ENTPD1: variants seen among roughly 807,000 people sequenced by gnomAD.
The protein encoded by ENTPD1 is ATP diphosphohydrolase.
In ENTPD1, 33 loss-of-function variants were observed where a neutral mutation model predicts 57.0. The ratio of observed to expected loss-of-function variants is 0.58; its 90% confidence interval spans 0.44 to 0.77. The LOEUF is 0.77. ENTPD1 is among the 30% of genes least tolerant of loss of function. The pLI is 0.00. For synonymous variants in ENTPD1, 202 were observed against 218.8 expected (o/e 0.92, Z 0.68); for missense variants, 501 against 603.4 (o/e 0.83, Z 1.78).
At chr10:95,788,899 G>A (rs2098191691) in intron 1 of ENTPD1, among the ~76,000 whole-genome samples, 1 of 152,294 alleles carries the variant, frequency 6.6e-6, no homozygotes, top group African/African-American at 2.4e-5. Context: ...ATGGATGCAA[G>A]TAATTGAGAA....
At position 95,869,318 on chromosome 10, in the gene ENTPD1, C is replaced by T. The variant is rs372505796; in HGVS notation, c.*2935C>T. On this transcript the variant is annotated 3_prime_UTR_variant, in exon 10 of 10. Transcript: ENST00000371205. ...AGGCTGGAGTGCAGTGGTGCTATCT[C>T]GGCTCACTGCAACCTCCGCCTCCTG... 7 of 897,112 alleles carry T rather than the reference C, an allele frequency of 7.8e-6. No individual in the cohort carries two copies. In the East Asian group the frequency reaches 6.3e-4, roughly 80 times the overall value. The allele number at this position is 897,112 out of a possible 1,614,324, so 55.6% of individuals were successfully genotyped here.
At chr10:95,780,154 C>T (rs927595937) in intron 1 of ENTPD1, among the ~76,000 whole-genome samples, 1 of 152,104 alleles carries the variant, frequency 6.6e-6, no homozygotes, top group Admixed American at 6.6e-5. Flanking sequence ...CAGAACATAC[C>T]AAACATAAAA....
intron 1 of ENTPD1, among the ~76,000 whole-genome samples, chr10:95,810,514 A>G (rs1452274135): frequency 2.0e-5 from 3 of 147,588 alleles, no homozygotes; most frequent in African/African-American, 7.5e-5. Context: ...CTCACATCCC[A>G]GATGGGGTGG....
rs1001326432 is a variant in ENTPD1, at chr10:95,777,703, C to T, written c.16+21448C>T. Among the ~76,000 whole-genome samples, 19 of 152,322 alleles carry T rather than the reference C, an allele frequency of 1.2e-4. 1 individual carries two copies. The highest frequency in any genetic ancestry group is 1.8e-4 in the Non-Finnish European group (12 of 68,026). ...TCTCTTCAGAGCTGTTAGACAGGGA[C>T]GTTTACATCTGCAGAAGTTGTCTGC... On this transcript the variant is annotated intron_variant, in intron 1 of 9. Transcript: ENST00000371205.
intron 1 of ENTPD1, among the ~76,000 whole-genome samples, chr10:95,806,844 A>C (rs6584031): frequency 0.16 from 24,213 of 152,160 alleles, 2,494 homozygotes; most frequent in African/African-American, 0.28. Context: ...AATATTGCAC[A>C]ACAGCAAATA....
At chr10:95,746,558 G>A (rs531271599) in intron 1 of ENTPD1, among the ~76,000 whole-genome samples, 2 of 152,292 alleles carry the variant, frequency 1.3e-5, no homozygotes, top group South Asian at 4.1e-4. Flanking sequence ...ATTGGGCCAA[G>A]TGATTATAGT....
chr10:95,728,756 C>G (rs2097986312), intron 1 of ENTPD1, among the ~76,000 whole-genome samples: 1 of 152,156 alleles, frequency 6.6e-6, no homozygotes, highest in South Asian at 2.1e-4. Flanking sequence ...ACAATGGCAA[C>G]AGAAGGTAGC....
At chr10:95,790,230 G>A (rs930945802) in intron 1 of ENTPD1, among the ~76,000 whole-genome samples, 8 of 151,938 alleles carry the variant, frequency 5.3e-5, no homozygotes, top group African/African-American at 1.5e-4. Context: ...TACAGTACAG[G>A]GTTATAAATG....
chr10:95,839,638 T>TA, intron 2 of ENTPD1, 53 bp from the exon 3 acceptor site: 1 of 1,567,348 alleles, frequency 6.4e-7, no homozygotes, highest in Non-Finnish European at 8.8e-7. Flanking sequence ...GCAAGCCTAA[T>TA]ATGGAGATGA....
In ENTPD1 at chr10:95,744,249, T is replaced by G. The variant is rs1038532848; in HGVS notation, c.37+32256T>G. ...AATTTCTGATTCCAGTATACATGTA[T>G]AGTGGTTTCAGAATTATGAATCTTG... On this transcript the variant is annotated intron_variant, in intron 1 of 9. Transcript: ENST00000453258. Among the ~76,000 whole-genome samples the G allele has an allele frequency of 3.9e-5, 6 of 152,102 alleles. No homozygotes were observed. In the East Asian group the frequency reaches 1.2e-3, roughly 29 times the overall value.
At chr10:95,710,921 C>G (rs1247755823), upstream of ENTPD1, among the ~76,000 whole-genome samples, 1 of 152,152 alleles carries the variant, frequency 6.6e-6, no homozygotes, top group Non-Finnish European at 1.5e-5. Context: ...ATTGCCCAGC[C>G]TCTTTCGCAG....
At chr10:95,821,996 CTTTTT>C (rs71034351) in intron 1 of ENTPD1, among the ~76,000 whole-genome samples, 1 of 92,916 alleles carries the variant, frequency 1.1e-5, no homozygotes, top group African/African-American at 4.3e-5. Context: ...TAGCTTTTGC[CTTTTT>C]TTTTTTTTTT....
intron 1 of ENTPD1, among the ~76,000 whole-genome samples, chr10:95,803,771 C>T (rs187186865): frequency 0.011 from 1,695 of 152,260 alleles, 17 homozygotes; most frequent in Middle Eastern, 0.041. Flanking sequence ...TCATGAAGTC[C>T]TTGCCCATAC....
At chr10:95,839,858 A>G in intron 3 of ENTPD1, 50 bp downstream of exon 3, 1 of 1,576,688 alleles carries the variant, frequency 6.3e-7, no homozygotes, top group South Asian at 1.1e-5. Context: ...GCATGAGAAC[A>G]TGAGAGGTGT....
intron 3 of ENTPD1, among the ~76,000 whole-genome samples, chr10:95,841,941 G>A (rs1414147816): frequency 6.6e-6 from 1 of 152,162 alleles, no homozygotes; most frequent in African/African-American, 2.4e-5. Flanking sequence ...AAGCCAATTT[G>A]TCTGACGCTT....
chr10:95,745,865 T>C (rs1354459417), intron 1 of ENTPD1, among the ~76,000 whole-genome samples: 1 of 152,136 alleles, frequency 6.6e-6, no homozygotes, highest in Non-Finnish European at 1.5e-5. Context: ...TTTGGAAGAG[T>C]TGGCCATTCT....
chr10:95,841,161 C>T (rs188144860), intron 3 of ENTPD1, among the ~76,000 whole-genome samples: 264 of 152,138 alleles, frequency 1.7e-3, no homozygotes, highest in Admixed American at 3.6e-3. Context: ...CTGAGGTGGG[C>T]GGATCACAAG....
rs1026002047 is a variant in ENTPD1 at position 95,843,731 on chromosome 10, A to G, written c.414-745A>G. ...AGAGAAGATGGATTGGAGGGGAGAA[A>G]AGCTGGGGATAAAAGGAAGGCAGTT... On this transcript the variant is annotated intron_variant, in intron 4 of 9. Transcript: ENST00000371205. 1.4e-4 allele frequency among the ~76,000 whole-genome samples: 21 copies of G among 152,130 alleles called. 1 individual carries two copies. Among genetic ancestry groups the G allele is most frequent in the African/African-American group, 5.1e-4 (21 of 41,416 alleles).
At chr10:95,760,847 T>TTTTTTTTTTTTTTTTTTTTG in intron 1 of ENTPD1, among the ~76,000 whole-genome samples, 1 of 113,884 alleles carries the variant, frequency 8.8e-6, no homozygotes, top group Admixed American at 1.0e-4. Context: ...TTTTTTTTTT[T>TTTTTTTTTTTTTTTTTTTTG]GAGACGGAGT....
Sources: allele counts gnomAD v4.1 joint callset (sites outside exome capture counted in the v4.1 genomes callset), GRCh38; gene constraint gnomAD v4.1.1; transcripts MANE v1.5; gene names NCBI Gene and HGNC (gene_info 2026-07-23, HGNC 2026-07-21).